The following OR2T2 variants were observed in gnomAD, a reference collection of about 807,000 sequenced individuals.
OR2T2 encodes olfactory receptor family 2 subfamily T member 2, also known as olfactory receptor 2T2.
For synonymous variants in OR2T2, 50 were observed against 162.7 expected (o/e 0.31, Z 5.27); for missense variants, 138 against 409.1 (o/e 0.34, Z 5.72).
At chr1:248,455,051 G>GT (rs1277331562) in exon 3 of OR2T2, 2 of 151,590 alleles carry the variant, frequency 1.3e-5, no homozygotes, top group African/African-American at 2.4e-5. Flanking sequence ...TGCTTTGATA[G>GT]ATGTGTAACT....
At chr1:248,452,716 TG>T in intron 2 of OR2T2, 59 bp from the exon 4 acceptor site, 1 of 1,405,126 alleles carries the variant, frequency 7.1e-7, no homozygotes, top group Non-Finnish European at 1.0e-6. Flanking sequence ...ATACTATTCC[TG>T]GTGGGCTCTT....
intron 2 of OR2T2, among the ~76,000 whole-genome samples, chr1:248,447,892 C>G (rs1215192791): frequency 7.0e-6 from 1 of 142,522 alleles, no homozygotes; most frequent in Non-Finnish European, 1.5e-5. Context: ...AGGTTGCTAT[C>G]TACCATGTGT....
intron 2 of OR2T2, among the ~76,000 whole-genome samples, chr1:248,448,152 C>CT (rs1343528470): frequency 4.2e-4 from 63 of 150,692 alleles, no homozygotes; most frequent in Non-Finnish European, 7.1e-4. Context: ...CAAAGAGAGG[C>CT]TGTAAGGTGC....
intron 2 of OR2T2, among the ~76,000 whole-genome samples, chr1:248,447,984 AG>A (rs1252946739): frequency 2.0e-5 from 3 of 152,292 alleles, no homozygotes; most frequent in African/African-American, 7.2e-5. Flanking sequence ...CCCTCTGTGT[AG>A]TTGATTCACA....
At chr1:248,450,121 A>G (rs565159678) in intron 2 of OR2T2, among the ~76,000 whole-genome samples, 201 of 149,556 alleles carry the variant, frequency 1.3e-3, no homozygotes, top group African/African-American at 5.0e-3. Context: ...AACATTAGGC[A>G]TGCATTTGAA....
chr1:248,446,296 G>A lies in OR2T2; in HGVS notation c.-245-293G>A, dbSNP rs374255133. On this transcript the variant is annotated intron_variant, in intron 1 of 2. Coordinates refer to ENST00000642130, the Ensembl canonical transcript of OR2T2. The stretch of plus-strand genomic sequence containing the variant: ...AGCCATCTTAGCATGGCATATAAAA[G>A]CCTGTTGAGCTGAGTAACTGGAGCC... Among the ~76,000 whole-genome samples the A allele has an allele frequency of 1.1e-4, 16 of 144,324 alleles. No individual in the cohort carries two copies. In the East Asian group the frequency reaches 2.1e-3, roughly 19 times the overall value. 94.7% of individuals were successfully genotyped at this position (144,324 alleles called of 152,430 possible).
At chr1:248,455,188 TTTG>T (rs1662907297) in exon 3 of OR2T2, 1 of 90,404 alleles carries the variant, frequency 1.1e-5, no homozygotes, top group African/African-American at 3.7e-5. Context: ...GTTTATTTTC[TTTG>T]TTGATACGAG....
At chr1:248,445,841 T>C (rs1662629320) in intron 1 of OR2T2, among the ~76,000 whole-genome samples, 172 bp downstream of exon 1, 1 of 151,144 alleles carries the variant, frequency 6.6e-6, no homozygotes, top group Non-Finnish European at 1.5e-5. Context: ...ATATTCACTA[T>C]CTGGCAAGCA....
At position 248,454,929 on chromosome 1, in the gene OR2T2, T is replaced by TTA. The variant is rs1166958465; in HGVS notation, c.*1159_*1160dup. 4 of 117,442 alleles carry TTA rather than the reference T, an allele frequency of 3.4e-5. No individual in the cohort carries two copies. In the Admixed American group the frequency reaches 3.7e-4, roughly 11 times the overall value. The allele number at this position is 117,442 out of a possible 1,614,324, so 7.3% of individuals were successfully genotyped here. On this transcript the variant is annotated 3_prime_UTR_variant, in exon 3 of 3. Coordinates refer to ENST00000642130, the Ensembl canonical transcript of OR2T2. Reference sequence around the variant, plus strand: ...TGTAGAATGAATAAACCAAGACATTTTATTAGCTAACTTAGTTCCCGTGGA... The same window carrying TTA: ...TGTAGAATGAATAAACCAAGACATTTTATATTAGCTAACTTAGTTCCCGTGGA...
rs796889555 is a variant in OR2T2 at position 248,446,956 on chromosome 1, T to C, written c.-23+145T>C. 6.8e-5 allele frequency: 10 copies of C among 146,346 alleles called. No homozygotes were observed. The East Asian group carries it at 1.5e-3, about 23-fold the overall frequency. 9.1% of individuals were successfully genotyped at this position (146,346 alleles called of 1,614,324 possible). ...TAAAGCCAAGAAAACTTCTATCTTA[T>C]GCCTAATTTTCCACACTGAAAATTT... On this transcript the variant is annotated intron_variant, in intron 2 of 2. Transcript: ENST00000642130.
At chr1:248,446,532 C>A in intron 1 of OR2T2, 57 bp from the exon 2 acceptor site, 1 of 145,566 alleles carries the variant, frequency 6.9e-6, no homozygotes, top group South Asian at 2.1e-4. Context: ...CCTCACCTCG[C>A]CTCTGCTGCT....
exon 3 of OR2T2, chr1:248,453,765 A>G: frequency 1.9e-6 from 3 of 1,538,944 alleles, no homozygotes; most frequent in Non-Finnish European, 2.6e-6. Flanking sequence ...GTGATCAGGA[A>G]GGGCTAGCAG....
At chr1:248,447,598 T>A (rs1366669984) in intron 2 of OR2T2, among the ~76,000 whole-genome samples, 1 of 150,972 alleles carries the variant, frequency 6.6e-6, no homozygotes, top group Non-Finnish European at 1.5e-5. Flanking sequence ...ATTTACATTG[T>A]CTCTGATCAT....
chr1:248,450,272 T>C (rs1457927006), intron 2 of OR2T2, among the ~76,000 whole-genome samples: 4 of 142,296 alleles, frequency 2.8e-5, no homozygotes, highest in Non-Finnish European at 4.5e-5. Flanking sequence ...ACACCACACA[T>C]ACCATGCTCA....
chr1:248,446,772 T>C, exon 2 of OR2T2: 1 of 148,920 alleles, frequency 6.7e-6, no homozygotes. Context: ...TACTTCTTTC[T>C]TTCTTGTCCA....
intron 2 of OR2T2, among the ~76,000 whole-genome samples, chr1:248,450,841 A>AT (rs1662782698): frequency 6.9e-6 from 1 of 144,166 alleles, no homozygotes; most frequent in African/African-American, 2.7e-5. Flanking sequence ...GGAATTGTAT[A>AT]TTTAAATAGT....
intron 1 of OR2T2, 38 bp downstream of exon 1, chr1:248,445,707 C>T (rs1662624746): frequency 6.6e-6 from 1 of 152,158 alleles, no homozygotes; most frequent in Non-Finnish European, 1.5e-5. Context: ...CAGAACATCA[C>T]CCAGATACTG....
At chr1:248,447,628 C>T (rs1451549125) in intron 2 of OR2T2, among the ~76,000 whole-genome samples, 2 of 151,288 alleles carry the variant, frequency 1.3e-5, no homozygotes, top group East Asian at 3.9e-4. Context: ...CCTTCAGTCT[C>T]GAGTTTCGGA....
chr1:248,446,679 C>A (rs1476951325), exon 2 of OR2T2: 2 of 148,210 alleles, frequency 1.3e-5, no homozygotes, highest in East Asian at 3.8e-4. Flanking sequence ...CAGAAGCATT[C>A]CCCTGCACAT....
Sources: allele counts gnomAD v4.1 joint callset (sites outside exome capture counted in the v4.1 genomes callset), GRCh38; gene constraint gnomAD v4.1.1; transcripts MANE v1.5; gene names NCBI Gene and HGNC (gene_info 2026-07-23, HGNC 2026-07-21).